NLGN4Y: variants seen among roughly 807,000 people sequenced by gnomAD.
NLGN4Y encodes the protein neuroligin-4, Y-linked.
A neutral mutation model predicts 8.4 loss-of-function variants in NLGN4Y; 4 were observed. The ratio of observed to expected loss-of-function variants is 0.48; its 90% CI spans 0.23 to 1.09. The LOEUF (loss-of-function observed/expected upper bound fraction) is 1.09. NLGN4Y is among the 50% of genes least tolerant of loss of function. The pLI is 0.19. For missense variants in NLGN4Y, 90 were observed against 192.3 expected (o/e 0.47, Z 3.15); for synonymous variants, 35 against 75.6 (o/e 0.46, Z 2.78).
chrY:14,692,821 T>C (rs2080815429), intron 2 of NLGN4Y, among the ~76,000 whole-genome samples: 1 of 33,686 alleles, frequency 3.0e-5, no homozygotes, highest in East Asian at 8.0e-4. Context: ...ATTTATAGCA[T>C]TGCTGAAGTC....
intron 1 of NLGN4Y, among the ~76,000 whole-genome samples, chrY:14,549,145 G>A: frequency 3.1e-5 from 1 of 32,653 alleles, no homozygotes; most frequent in Non-Finnish European, 7.5e-5. Context: ...CCTGCTCATA[G>A]CATCTCCTCT....
At chrY:14,823,832 G>A in intron 4 of NLGN4Y, among the ~76,000 whole-genome samples, 2 of 32,790 alleles carry the variant, frequency 6.1e-5, no homozygotes, top group African/African-American at 2.4e-4. Context: ...GGTATCATAA[G>A]GTGAATGTAA....
At position 14,836,979 on chromosome Y, in the gene NLGN4Y, A is replaced by T. The variant is rs1032831116; in HGVS notation, c.1662-3434A>T. Among the ~76,000 whole-genome samples the T allele has an allele frequency of 1.2e-4, 4 of 33,833 alleles. No individual in the cohort carries two copies. The East Asian group carries it at 3.1e-3, about 26-fold the overall frequency. The allele number at this position is 33,833 out of a possible 37,273, so 90.8% of individuals were successfully genotyped here. On this transcript the variant is annotated intron_variant, in intron 6 of 6. Coordinates refer to ENST00000684976, the MANE Select transcript of NLGN4Y (RefSeq NM_001365588.1). ...GCACTGAGTCTGAGGCTTGTACATCAGATTGATTTCTATCTTTTTTGCATC... is the reference window on the plus strand; with the variant it reads ...GCACTGAGTCTGAGGCTTGTACATCTGATTGATTTCTATCTTTTTTGCATC...
At chrY:14,543,244 CAACT>C (rs2080157172) in intron 1 of NLGN4Y, among the ~76,000 whole-genome samples, 1 of 33,656 alleles carries the variant, frequency 3.0e-5, no homozygotes, top group East Asian at 7.7e-4. Flanking sequence ...TCTATGTCAC[CAACT>C]ATCAAATTAT....
At position 14,576,197 on chromosome Y, in the gene NLGN4Y, C is replaced by A. The variant is rs961274111; in HGVS notation, c.-111-45812C>A. On this transcript the variant is annotated intron_variant, in intron 1 of 6. Transcript: ENST00000684976. Reference sequence around the variant, plus strand: ...GCCCTTCCCCCAGGGGTGGAGTCTGCAGAGACAGGCAGGCCTTCTTGAAGT... The same window carrying A: ...GCCCTTCCCCCAGGGGTGGAGTCTGAAGAGACAGGCAGGCCTTCTTGAAGT... Among the ~76,000 whole-genome samples, 3 of 33,844 alleles carry A rather than the reference C, an allele frequency of 8.9e-5. No homozygotes were observed. In the East Asian group the frequency reaches 2.4e-3, roughly 27 times the overall value. 90.8% of individuals were successfully genotyped at this position (33,844 alleles called of 37,273 possible).
intron 4 of NLGN4Y, among the ~76,000 whole-genome samples, chrY:14,784,466 T>G (rs2042953898): frequency 3.1e-5 from 1 of 32,543 alleles, no homozygotes; most frequent in Admixed American, 2.8e-4. Context: ...CGAGACCATC[T>G]TGGCTAACAC....
At chrY:14,714,351 T>C (rs2150551473) in intron 2 of NLGN4Y, among the ~76,000 whole-genome samples, 1 of 33,237 alleles carries the variant, frequency 3.0e-5, no homozygotes, top group East Asian at 7.9e-4. Context: ...AAATTATGCA[T>C]AGGAAAGGCA....
chrY:14,541,334 G>T (rs2080148852), intron 1 of NLGN4Y, among the ~76,000 whole-genome samples: 1 of 33,602 alleles, frequency 3.0e-5, no homozygotes, highest in African/African-American at 1.2e-4. Flanking sequence ...TTGAAGTGGT[G>T]TACCTGAAAG....
intron 1 of NLGN4Y, among the ~76,000 whole-genome samples, chrY:14,584,358 G>A: frequency 3.1e-5 from 1 of 32,774 alleles, no homozygotes; most frequent in Admixed American, 2.8e-4. Context: ...GAACTCCTAG[G>A]CTCCACTCCC....
intron 4 of NLGN4Y, among the ~76,000 whole-genome samples, chrY:14,812,367 A>G (rs772128515): frequency 3.0e-5 from 1 of 33,692 alleles, no homozygotes; most frequent in South Asian, 6.6e-4. Context: ...ACTTGGCATC[A>G]ATGTAGCCAT....
chrY:14,589,748 G>T, intron 1 of NLGN4Y, among the ~76,000 whole-genome samples: 2 of 34,461 alleles, frequency 5.8e-5, no homozygotes, highest in African/African-American at 2.3e-4. Flanking sequence ...CGAGGCTGCA[G>T]GTGGAGCTCC....
intron 4 of NLGN4Y, among the ~76,000 whole-genome samples, chrY:14,756,727 A>G (rs2081059261): frequency 3.8e-5 from 1 of 26,277 alleles, no homozygotes; most frequent in Non-Finnish European, 8.6e-5. Flanking sequence ...CCCAGGTGAC[A>G]ACAGCAAGAC....
chrY:14,687,619 C>A, intron 2 of NLGN4Y, among the ~76,000 whole-genome samples: 1 of 32,568 alleles, frequency 3.1e-5, no homozygotes, highest in Non-Finnish European at 7.5e-5. Context: ...TAGGAAATAT[C>A]CATCCCCATG....
At chrY:14,828,259 A>G (rs747418589) in intron 5 of NLGN4Y, among the ~76,000 whole-genome samples, 1 of 31,425 alleles carries the variant, frequency 3.2e-5, no homozygotes, top group South Asian at 7.2e-4. Flanking sequence ...TTACTTATAT[A>G]TATGTGTGTG....
intron 4 of NLGN4Y, among the ~76,000 whole-genome samples, chrY:14,752,235 T>C (rs985232307): frequency 9.1e-5 from 3 of 33,120 alleles, no homozygotes; most frequent in Non-Finnish European, 2.2e-4. Flanking sequence ...AACTGGTCTC[T>C]GTCTACCACT....
intron 4 of NLGN4Y, among the ~76,000 whole-genome samples, chrY:14,810,393 G>A (rs2043073526): frequency 3.1e-5 from 1 of 32,662 alleles, no homozygotes; most frequent in African/African-American, 1.2e-4. Context: ...GTCAGGCATG[G>A]TGGTGTGCGC....
chrY:14,715,890 G>A (rs2080914066), intron 2 of NLGN4Y, among the ~76,000 whole-genome samples: 1 of 32,783 alleles, frequency 3.1e-5, no homozygotes, highest in Non-Finnish European at 7.5e-5. Context: ...GTTGGCCCTT[G>A]AACAACACAA....
intron 1 of NLGN4Y, among the ~76,000 whole-genome samples, chrY:14,610,725 G>A: frequency 3.1e-5 from 1 of 32,566 alleles, no homozygotes; most frequent in Non-Finnish European, 7.5e-5. Context: ...AGGTCTGCTT[G>A]GTCCGGAGCT....
intron 4 of NLGN4Y, among the ~76,000 whole-genome samples, chrY:14,738,086 G>A: frequency 6.2e-5 from 2 of 32,139 alleles, no homozygotes; most frequent in African/African-American, 1.2e-4. Flanking sequence ...CTTGCTTGGC[G>A]TATGGTAAAA....
Sources: gnomAD v4.1 joint callset for allele counts (sites outside exome capture counted in the v4.1 genomes callset) on GRCh38, gnomAD v4.1.1 for gene constraint, MANE v1.5 for transcripts, NCBI Gene and HGNC (gene_info 2026-07-23, HGNC 2026-07-21) for gene names.